The following NAV3 variants were observed in gnomAD, a reference collection of about 807,000 sequenced individuals.
The protein encoded by NAV3 is pore membrane and/or filament interacting like protein 1.
In NAV3, 87 loss-of-function variants were observed where a neutral mutation model predicts 244.7. The ratio of observed to expected loss-of-function variants is 0.36; its 90% confidence interval spans 0.30 to 0.42. The LOEUF is 0.42. Ranked by LOEUF, NAV3 falls within the 20% of genes least tolerant of loss-of-function variation. NAV3 has a pLI of 1.00. For synonymous variants in NAV3, 1,126 were observed against 1,042.2 expected (o/e 1.08, Z -1.55); for missense variants, 2,663 against 2,893.3 (o/e 0.92, Z 1.83).
chr12:77,853,574 A>G (rs539965554), intron 1 of NAV3, among the ~76,000 whole-genome samples: 2 of 152,328 alleles, frequency 1.3e-5, no homozygotes, highest in African/African-American at 4.8e-5. Flanking sequence ...ACTATTTGAG[A>G]TGAAAATTGA....
rs1337914236 is a variant in NAV3, at chr12:77,896,650, G to A, written c.244-43669G>A. Among the ~76,000 whole-genome samples, 4 of 152,148 alleles carry A rather than the reference G, an allele frequency of 2.6e-5. No homozygotes were observed. In the South Asian group the frequency reaches 8.3e-4, roughly 32 times the overall value. On this transcript the variant is annotated intron_variant, in intron 1 of 39. Transcript: ENST00000397909. ...GCATTATGAATAGCAAATGGTCTCT[G>A]CCTCTATCAGGGATTTACTTAGCAG...
intron 2 of NAV3, among the ~76,000 whole-genome samples, chr12:77,600,829 A>C (rs183662226): frequency 1.4e-3 from 206 of 152,074 alleles, no homozygotes; most frequent in Non-Finnish European, 2.4e-3. Flanking sequence ...TCTGGCTCCT[A>C]GTATCTTTTC....
intron 3 of NAV3, among the ~76,000 whole-genome samples, chr12:77,943,763 G>T (rs754032442): frequency 6.6e-6 from 1 of 152,106 alleles, no homozygotes; most frequent in Non-Finnish European, 1.5e-5. Context: ...TTGTATACCT[G>T]GTCTCTTGTG....
At chr12:77,978,478 T>C (rs1275047228) in intron 5 of NAV3, among the ~76,000 whole-genome samples, 1 of 152,136 alleles carries the variant, frequency 6.6e-6, no homozygotes, top group Non-Finnish European at 1.5e-5. Context: ...ATTATATATG[T>C]AATTATTTCA....
chr12:78,126,884 CA>C (rs1410729159), intron 16 of NAV3, among the ~76,000 whole-genome samples: 1 of 152,070 alleles, frequency 6.6e-6, no homozygotes, highest in African/African-American at 2.4e-5. Flanking sequence ...AGTATTTAAT[CA>C]ATAGGATTCA....
At chr12:78,150,140 G>T (rs189278296) in intron 22 of NAV3, among the ~76,000 whole-genome samples, 65 of 152,094 alleles carry the variant, frequency 4.3e-4, no homozygotes, top group African/African-American at 1.5e-3. Context: ...TTATAATATA[G>T]GCTACATGTA....
At chr12:78,034,302 C>T (rs2136994226) in intron 9 of NAV3, among the ~76,000 whole-genome samples, 2 of 152,256 alleles carry the variant, frequency 1.3e-5, no homozygotes, top group African/African-American at 4.8e-5. Context: ...AAAACCATCC[C>T]CAGTTGAAAA....
intron 2 of NAV3, among the ~76,000 whole-genome samples, chr12:77,778,583 G>A (rs971414114): frequency 4.1e-5 from 6 of 145,896 alleles, no homozygotes; most frequent in African/African-American, 1.5e-4. Context: ...CTGCACTCCA[G>A]CCTGGGCAAC....
chr12:77,769,878 T>G (rs1043970564), intron 2 of NAV3, among the ~76,000 whole-genome samples: 3 of 152,216 alleles, frequency 2.0e-5, no homozygotes, highest in African/African-American at 7.2e-5. Context: ...GAGAAAGTGA[T>G]GTATTATAAA....
intron 2 of NAV3, among the ~76,000 whole-genome samples, chr12:77,589,346 C>T (rs749607788): frequency 2.4e-5 from 3 of 123,682 alleles, no homozygotes; most frequent in Non-Finnish European, 5.1e-5. Context: ...TCCACATTTT[C>T]AAGTATCTTT....
intron 33 of NAV3, 27 bp from the exon 34 acceptor site, chr12:78,189,957 A>AT (rs1958900629): frequency 6.6e-7 from 1 of 1,522,700 alleles, no homozygotes; most frequent in Non-Finnish European, 9.1e-7. Flanking sequence ...ACAATAAATC[A>AT]TGCTATTTTT....
intron 39 of NAV3, among the ~76,000 whole-genome samples, chr12:78,209,154 A>G (rs1960636728): frequency 6.6e-6 from 1 of 152,180 alleles, no homozygotes; most frequent in Admixed American, 6.6e-5. Flanking sequence ...TGAGACTATT[A>G]AAATGATTTC....
chr12:77,639,195 A>AT (rs869053081), intron 2 of NAV3, among the ~76,000 whole-genome samples: 10 of 152,062 alleles, frequency 6.6e-5, no homozygotes, highest in African/African-American at 1.2e-4. Flanking sequence ...ATTTAAAAAA[A>AT]TTTTTTTTAT....
At chr12:77,988,434 C>A (rs1870906956) in intron 5 of NAV3, among the ~76,000 whole-genome samples, 1 of 152,124 alleles carries the variant, frequency 6.6e-6, no homozygotes, top group Non-Finnish European at 1.5e-5. Context: ...AGTTTGGATC[C>A]TGCTGTGTTT....
chr12:77,677,299 C>A (rs1874248055), intron 2 of NAV3, among the ~76,000 whole-genome samples: 1 of 152,108 alleles, frequency 6.6e-6, no homozygotes, highest in Non-Finnish European at 1.5e-5. Flanking sequence ...TTATCCATTA[C>A]AAAAACTTAT....
intron 2 of NAV3, among the ~76,000 whole-genome samples, chr12:77,717,579 C>T (rs1365808867): frequency 6.6e-6 from 1 of 152,030 alleles, no homozygotes. Flanking sequence ...TGTTGCAATG[C>T]TGCAAAATAT....
At chr12:78,167,928 T>C (rs1301347729) in intron 23 of NAV3, among the ~76,000 whole-genome samples, 1 of 151,716 alleles carries the variant, frequency 6.6e-6, no homozygotes, top group African/African-American at 2.4e-5. Context: ...TCTGATAAAA[T>C]AATTCACTTA....
chr12:78,140,037 T>C (rs1393048196), intron 19 of NAV3, among the ~76,000 whole-genome samples: 1 of 152,188 alleles, frequency 6.6e-6, no homozygotes, highest in Non-Finnish European at 1.5e-5. Flanking sequence ...CTGGTAGGGC[T>C]CATGCTTGTA....
At chr12:78,175,571 A>C (rs1031237989) in intron 25 of NAV3, 144 bp downstream of exon 25, 9 of 1,016,086 alleles carry the variant, frequency 8.9e-6, no homozygotes, top group Non-Finnish European at 1.3e-5. Context: ...ACTCATCACC[A>C]AAATTGGAGT....
Sources: gnomAD v4.1 joint callset for allele counts (sites outside exome capture counted in the v4.1 genomes callset) on GRCh38, gnomAD v4.1.1 for gene constraint, MANE v1.5 for transcripts, NCBI Gene and HGNC (gene_info 2026-07-23, HGNC 2026-07-21) for gene names.